The following ERAP1 variants were observed in gnomAD, a reference collection of about 807,000 sequenced individuals.
ERAP1 encodes the protein adipocyte-derived leucine aminopeptidase.
ERAP1 carries 86 observed loss-of-function variants against 103.7 expected under a neutral mutation model. That is an observed-to-expected ratio of 0.83 (90% CI 0.70 to 0.99). The LOEUF is 0.99. ERAP1 is among the 50% of genes least tolerant of loss of function. The pLI is 0.00. For missense variants in ERAP1, 1,009 were observed against 1,128.4 expected, an observed-to-expected ratio of 0.89 and a Z score of 1.52; for synonymous variants, 398 against 402.4, an observed-to-expected ratio of 0.99 and a Z score of 0.13.
chr5:96,828,067 A>C, the ERAP1 span, among the ~76,000 whole-genome samples: 1 of 152,340 alleles, frequency 6.6e-6, no homozygotes, highest in East Asian at 1.9e-4. Context: ...AAATTATTTC[A>C]AATTTTAGCC....
chr5:96,793,518 A>G lies in ERAP1; in HGVS notation c.1075-5T>C. ...AGTGACCAGGTTCCCAAACCACTAA[A>G]AGCACAACATAAGCCATAAACAAAG... On this transcript the variant is annotated splice_polypyrimidine_tract_variant and splice_region_variant and intron_variant, in intron 6 of 18. Coordinates refer to ENST00000443439, the MANE Select transcript of ERAP1 (RefSeq NM_001040458.3). 2.5e-6 allele frequency: 4 copies of G among 1,603,352 alleles called. No individual in the cohort carries two copies. Among genetic ancestry groups the G allele is most frequent in the Non-Finnish European group, 3.4e-6 (4 of 1,170,274 alleles).
At chr5:96,872,650 A>C in the ERAP1 span, among the ~76,000 whole-genome samples, 3 of 152,174 alleles carry the variant, frequency 2.0e-5, no homozygotes, top group African/African-American at 7.2e-5. Flanking sequence ...AGAAATTTAA[A>C]GTTTACAAAA....
At position 96,792,193 on chromosome 5, in the gene ERAP1, C is replaced by T. The variant is rs989435979; in HGVS notation, c.1189-1G>A. 7.4e-6 allele frequency: 12 copies of T among 1,613,100 alleles called. No homozygotes were observed. In the Admixed American group the frequency reaches 1.7e-4, roughly 22 times the overall value. On this transcript the variant is annotated splice_acceptor_variant, in intron 7 of 18. Coordinates refer to ENST00000443439, the MANE Select transcript of ERAP1 (RefSeq NM_001040458.3). LOFTEE classifies it high-confidence loss of function. ...AACATTTGCCAAAGAAATAATCTCCCTATTGAGATAGAAAAAAGAAAACAT... is the reference window on the plus strand; with the variant it reads ...AACATTTGCCAAAGAAATAATCTCCTTATTGAGATAGAAAAAAGAAAACAT...
chr5:96,873,047 G>T, the ERAP1 span, among the ~76,000 whole-genome samples: 1 of 152,064 alleles, frequency 6.6e-6, no homozygotes, highest in East Asian at 1.9e-4. Context: ...AAATTAGCCA[G>T]GCATGGTGGT....
At chr5:96,909,226 C>T in the ERAP1 span, 9 of 1,033,230 alleles carry the variant, frequency 8.7e-6, no homozygotes, top group Non-Finnish European at 1.2e-5. Flanking sequence ...TGGAGCAGCT[C>T]GGGGGACTGA....
the ERAP1 span, among the ~76,000 whole-genome samples, chr5:96,867,013 T>A: frequency 1.9e-3 from 47 of 24,800 alleles, no homozygotes; most frequent in East Asian, 9.6e-3. Flanking sequence ...TTTCTGATAT[T>A]TTTTTTTTTT....
At chr5:96,864,664 G>C in the ERAP1 span, among the ~76,000 whole-genome samples, 8 of 152,032 alleles carry the variant, frequency 5.3e-5, no homozygotes, top group African/African-American at 1.7e-4. Flanking sequence ...TAATCCCTTG[G>C]AAGGATACAA....
the ERAP1 span, chr5:96,880,209 G>C: frequency 1.2e-6 from 2 of 1,614,034 alleles, no homozygotes; most frequent in Non-Finnish European, 8.5e-7. Context: ...TTAGGTGATG[G>C]CTTTGAAGGG....
intron 1 of ERAP1, among the ~76,000 whole-genome samples, chr5:96,805,313 T>C (rs1484201560): frequency 6.6e-6 from 1 of 151,092 alleles, no homozygotes; most frequent in African/African-American, 2.4e-5. Flanking sequence ...GATCGGGGTA[T>C]GGTTTTACGG....
the ERAP1 span, among the ~76,000 whole-genome samples, chr5:96,833,946 T>C: frequency 6.6e-6 from 1 of 152,210 alleles, no homozygotes; most frequent in Non-Finnish European, 1.5e-5. Flanking sequence ...TCCCAACTTA[T>C]TAATGTAGTA....
At chr5:96,771,922 T>A (rs1041127702), downstream of ERAP1, 1 of 378,068 alleles carries the variant, frequency 2.6e-6, no homozygotes, top group African/African-American at 2.1e-5. Context: ...CTTAATCTTA[T>A]AATTAAAAGC....
the ERAP1 span, chr5:96,896,841 A>G: frequency 4.3e-6 from 5 of 1,151,304 alleles, no homozygotes; most frequent in Admixed American, 6.8e-5. Flanking sequence ...AAGAATGATG[A>G]CTTGTGGAGC....
chr5:96,846,563 T>A, the ERAP1 span, among the ~76,000 whole-genome samples: 1 of 152,214 alleles, frequency 6.6e-6, no homozygotes, highest in Admixed American at 6.5e-5. Flanking sequence ...TTCCTGGCAA[T>A]CTTGTTAATG....
At chr5:96,823,854 A>G in the ERAP1 span, among the ~76,000 whole-genome samples, 2 of 152,230 alleles carry the variant, frequency 1.3e-5, no homozygotes, top group Non-Finnish European at 2.9e-5. Context: ...TCTCATTGGC[A>G]TATTCAAATT....
At chr5:96,884,097 C>G in the ERAP1 span, among the ~76,000 whole-genome samples, 1 of 151,918 alleles carries the variant, frequency 6.6e-6, no homozygotes, top group Admixed American at 6.6e-5. Flanking sequence ...TAATTTCAAT[C>G]ATTCTAGACG....
At chr5:96,909,062 C>G in the ERAP1 span, 1 of 1,614,112 alleles carries the variant, frequency 6.2e-7, no homozygotes, top group Non-Finnish European at 8.5e-7. Context: ...TACTTGGAAT[C>G]GTTTTACCAC....
chr5:96,859,374 A>T, the ERAP1 span, among the ~76,000 whole-genome samples: 8 of 152,138 alleles, frequency 5.3e-5, no homozygotes, highest in Non-Finnish European at 5.9e-5. Context: ...CTGCGAGTGC[A>T]GGTTGAGTTG....
chr5:96,801,314 C>G (rs1444583347), intron 2 of ERAP1, among the ~76,000 whole-genome samples: 1 of 151,006 alleles, frequency 6.6e-6, no homozygotes, highest in East Asian at 2.0e-4. Flanking sequence ...AAAAATTAGC[C>G]AGGCATGGTG....
At chr5:96,866,064 A>G in the ERAP1 span, among the ~76,000 whole-genome samples, 1 of 152,246 alleles carries the variant, frequency 6.6e-6, no homozygotes, top group African/African-American at 2.4e-5. Context: ...TTACTATTCT[A>G]TGTATTTACA....
Sources: allele counts gnomAD v4.1 joint callset (sites outside exome capture counted in the v4.1 genomes callset), GRCh38; gene constraint gnomAD v4.1.1; transcripts MANE v1.5; gene names NCBI Gene and HGNC (gene_info 2026-07-23, HGNC 2026-07-21).